RAB3C: variants seen among roughly 807,000 people sequenced by gnomAD.
RAB3C encodes ras-related protein Rab-3C.
Under a neutral mutation model 26.4 loss-of-function variants are expected in RAB3C, and 17 were observed. That is an observed-to-expected ratio of 0.64 (90% CI 0.44 to 0.97). The LOEUF is 0.97. Ranked by LOEUF, RAB3C falls within the 50% of genes least tolerant of loss-of-function variation. RAB3C has a pLI of 0.00. For synonymous variants in RAB3C, 91 were observed against 95.9 expected (o/e 0.95, Z 0.30); for missense variants, 242 against 281.9 (o/e 0.86, Z 1.01).
intron 3 of RAB3C, among the ~76,000 whole-genome samples, chr5:58,776,706 T>G (rs1742150009): frequency 1.3e-5 from 2 of 152,144 alleles, no homozygotes. Flanking sequence ...CAATAAAACC[T>G]GACTGCTTGC....
At chr5:58,796,193 G>A (rs1579922896) in intron 3 of RAB3C, among the ~76,000 whole-genome samples, 1 of 152,136 alleles carries the variant, frequency 6.6e-6, no homozygotes, top group Non-Finnish European at 1.5e-5. Flanking sequence ...GCTCCAAGTG[G>A]TATAAATACC....
intron 4 of RAB3C, among the ~76,000 whole-genome samples, chr5:58,841,284 A>C (rs1354508812): frequency 6.6e-6 from 1 of 152,168 alleles, no homozygotes; most frequent in Non-Finnish European, 1.5e-5. Context: ...CAAGATTGCT[A>C]TACTCTTCCC....
chr5:58,605,396 T>C (rs960528492), intron 1 of RAB3C, among the ~76,000 whole-genome samples: 1 of 152,182 alleles, frequency 6.6e-6, no homozygotes, highest in Non-Finnish European at 1.5e-5. Flanking sequence ...TGGTTCTGCA[T>C]GTGAGGAGCT....
rs1246616970 is a variant in RAB3C, at chr5:58,853,675, G to A, written c.*2324G>A. 1 of 152,144 alleles carries A rather than the reference G, an allele frequency of 6.6e-6. No individual in the cohort carries two copies. The highest frequency in any genetic ancestry group is 1.5e-5 in the Non-Finnish European group (1 of 68,042). The allele number at this position is 152,144 out of a possible 1,614,324, so 9.4% of individuals were successfully genotyped here. On this transcript the variant is annotated 3_prime_UTR_variant, in exon 5 of 5. Transcript: ENST00000282878. The stretch of plus-strand genomic sequence containing the variant: ...TGGAAACATTTTATGCCAGTCAGGG[G>A]AGAGACAGGCAACAATAGCCCAAAT...
chr5:58,700,397 G>A (rs1054347122), intron 2 of RAB3C, among the ~76,000 whole-genome samples: 3 of 152,184 alleles, frequency 2.0e-5, no homozygotes, highest in African/African-American at 7.2e-5. Context: ...TGCATTTTGT[G>A]TGTGTGCATG....
At chr5:58,583,638 G>C (rs1464070099) in intron 1 of RAB3C, among the ~76,000 whole-genome samples, 1 of 152,174 alleles carries the variant, frequency 6.6e-6, no homozygotes, top group East Asian at 1.9e-4. Flanking sequence ...CTCCCCACTG[G>C]AGTCGGCATA....
chr5:58,754,152 G>A (rs1741595373), intron 3 of RAB3C, among the ~76,000 whole-genome samples: 3 of 152,102 alleles, frequency 2.0e-5, no homozygotes, highest in Admixed American at 2.0e-4. Context: ...TACAGGGTTA[G>A]CCCTCATTTC....
At chr5:58,762,554 G>A (rs142481137) in intron 3 of RAB3C, among the ~76,000 whole-genome samples, 2,343 of 152,134 alleles carry the variant, frequency 0.015, 41 homozygotes, top group African/African-American at 0.052. Flanking sequence ...TTAGCTGGGC[G>A]TCGTGGCTGG....
At position 58,617,853 on chromosome 5, in the gene RAB3C, A is replaced by G. The variant is rs143647887; in HGVS notation, c.235A>G (p.Ile79Val). 5 of 1,609,284 alleles carry G rather than the reference A, an allele frequency of 3.1e-6. No individual in the cohort carries two copies. The African/African-American group carries it at 5.3e-5, about 17-fold the overall frequency. ...AACTGTATTCAAAAATGAAAAGAGA[A>G]TCAAGCTTCAGATTTGGGTAAGTGG... ...VKTVFKNEKRIKLQIWDTAGQ... is the reference protein window; with the variant it reads ...VKTVFKNEKRVKLQIWDTAGQ... The change falls in exon 2 of 5, where the codon ATC (isoleucine) becomes GTC (valine). Residue 79 changes from isoleucine (I) to valine (V), a missense_variant. By Grantham distance (29) the Ile-to-Val change is conservative. Transcript: ENST00000282878.
intron 3 of RAB3C, among the ~76,000 whole-genome samples, chr5:58,799,850 T>G (rs1742764733): frequency 6.6e-6 from 1 of 152,178 alleles, no homozygotes; most frequent in Non-Finnish European, 1.5e-5. Flanking sequence ...TAAAGATAGC[T>G]TTAATAGAAG....
chr5:58,647,822 G>T (rs556386615), intron 2 of RAB3C: 7 of 152,028 alleles, frequency 4.6e-5, no homozygotes, highest in Non-Finnish European at 1.0e-4. Flanking sequence ...TAACTAACCA[G>T]GTCTCCATAG....
At chr5:58,691,999 A>G (rs1385200533) in intron 2 of RAB3C, among the ~76,000 whole-genome samples, 1 of 152,198 alleles carries the variant, frequency 6.6e-6, no homozygotes, top group African/African-American at 2.4e-5. Flanking sequence ...CTAAAGCAAT[A>G]AAGTGACGCT....
At chr5:58,815,740 T>C (rs1003325837) in intron 3 of RAB3C, 4 of 152,234 alleles carry the variant, frequency 2.6e-5, no homozygotes, top group Non-Finnish European at 5.9e-5. Flanking sequence ...GTACCTTCTA[T>C]GTGCCATATA....
chr5:58,606,421 C>T (rs1160794196), intron 1 of RAB3C, among the ~76,000 whole-genome samples: 1 of 152,230 alleles, frequency 6.6e-6, no homozygotes, highest in African/African-American at 2.4e-5. Context: ...CACCGCAGCT[C>T]AGCAAGGCCT....
At chr5:58,600,608 A>G (rs1482462444) in intron 1 of RAB3C, among the ~76,000 whole-genome samples, 1 of 151,844 alleles carries the variant, frequency 6.6e-6, no homozygotes, top group Admixed American at 6.6e-5. Flanking sequence ...TTTGCAGCTA[A>G]TGTGAAAGGA....
rs1460367187 is a variant in RAB3C, at chr5:58,855,279, T to C, written c.*3928T>C. The stretch of plus-strand genomic sequence containing the variant: ...GATATGAATCTTATTTATAAAAAAG[T>C]CATAACTAAAACCCTTCTAGACCAA... On this transcript the variant is annotated 3_prime_UTR_variant, in exon 5 of 5. Transcript: ENST00000282878. 1 of 152,198 alleles carries C rather than the reference T, an allele frequency of 6.6e-6. No homozygotes were observed. The highest frequency in any genetic ancestry group is 1.9e-4 in the East Asian group (1 of 5,202). 9.4% of individuals were successfully genotyped at this position (152,198 alleles called of 1,614,324 possible).
chr5:58,757,895 C>A (rs893648362), intron 3 of RAB3C, among the ~76,000 whole-genome samples: 1 of 149,238 alleles, frequency 6.7e-6, no homozygotes, highest in African/African-American at 2.4e-5. Context: ...CTACTTCAAG[C>A]AAAAGCTCCC....
Position 58,792,512 on chromosome 5 carries a change from G to A in RAB3C, c.372-32526G>A, listed in dbSNP as rs573296090. Among the ~76,000 whole-genome samples, 17 of 152,222 alleles carry A rather than the reference G, an allele frequency of 1.1e-4. 3 individuals carry two copies. The highest frequency in any genetic ancestry group is 3.9e-4 in the African/African-American group (16 of 41,518). Reference sequence around the variant, plus strand: ...AGAGAGGAGAGCAACAGATGCAAATGCAAGGGACTAGTACAGTGCAGTGGA... The same window carrying A: ...AGAGAGGAGAGCAACAGATGCAAATACAAGGGACTAGTACAGTGCAGTGGA... On this transcript the variant is annotated intron_variant, in intron 3 of 4. Coordinates refer to ENST00000282878, the MANE Select transcript of RAB3C (RefSeq NM_138453.4).
intron 1 of RAB3C, among the ~76,000 whole-genome samples, chr5:58,613,765 G>A (rs1220055041): frequency 1.3e-5 from 2 of 152,054 alleles, no homozygotes; most frequent in Non-Finnish European, 1.5e-5. Context: ...AGCCACACAT[G>A]GGACTTTGAA....
Sources: allele counts gnomAD v4.1 joint callset (sites outside exome capture counted in the v4.1 genomes callset), GRCh38; gene constraint gnomAD v4.1.1; transcripts MANE v1.5; gene names NCBI Gene and HGNC (gene_info 2026-07-23, HGNC 2026-07-21).